PVT1: variants seen among roughly 807,000 people sequenced by gnomAD.
PVT1 encodes the protein CXCR4/PVT1 fusion.
intron 2 of PVT1, among the ~76,000 whole-genome samples, chr8:127,861,541 A>G (rs1286154477): frequency 6.8e-6 from 1 of 146,542 alleles, no homozygotes; most frequent in African/African-American, 2.5e-5. Context: ...TTGCTTTCAG[A>G]TGGTTTTGTT....
chr8:127,916,384 G>A (rs1180822482), intron 3 of PVT1, among the ~76,000 whole-genome samples: 3 of 152,170 alleles, frequency 2.0e-5, no homozygotes, highest in Non-Finnish European at 4.4e-5. Context: ...GCATGTGGTT[G>A]GTGCTCAATA....
chr8:127,808,197 C>A (rs567039792), intron 2 of PVT1, among the ~76,000 whole-genome samples: 17 of 152,192 alleles, frequency 1.1e-4, no homozygotes, highest in Non-Finnish European at 1.0e-4. Context: ...TCAGGCACAA[C>A]CCCCGTCTGG....
chr8:127,911,830 G>A (rs900019172), intron 3 of PVT1, among the ~76,000 whole-genome samples: 2 of 152,238 alleles, frequency 1.3e-5, no homozygotes, highest in Non-Finnish European at 2.9e-5. Context: ...TGACCTCCCT[G>A]CTCCCTTTGG....
At chr8:127,879,281 C>A (rs774683101) in intron 2 of PVT1, among the ~76,000 whole-genome samples, 16 of 152,352 alleles carry the variant, frequency 1.1e-4, no homozygotes, top group Non-Finnish European at 1.8e-4. Context: ...GTAATCCCAG[C>A]ACTTCGGGAG....
chr8:127,840,187 G>A (rs190138760), intron 2 of PVT1, among the ~76,000 whole-genome samples: 12 of 152,336 alleles, frequency 7.9e-5, no homozygotes, highest in Middle Eastern at 3.4e-3. Context: ...AGCCAGTGGA[G>A]GGTTTGAGCA....
intron 2 of PVT1, among the ~76,000 whole-genome samples, chr8:127,874,210 T>G (rs914080144): frequency 2.0e-5 from 3 of 152,148 alleles, no homozygotes; most frequent in Non-Finnish European, 4.4e-5. Context: ...AGGATTTAAA[T>G]TTGATAATGT....
intron 3 of PVT1, among the ~76,000 whole-genome samples, chr8:127,950,411 G>C (rs953754722): frequency 1.6e-4 from 25 of 152,228 alleles, no homozygotes; most frequent in African/African-American, 5.1e-4. Context: ...CATGTGGGGA[G>C]ATGCGGCCAG....
Position 127,985,284 on chromosome 8 carries a change from G to A in PVT1, n.783-3878G>A, listed in dbSNP as rs772790139. 5.3e-5 allele frequency among the ~76,000 whole-genome samples: 8 copies of A among 151,450 alleles called. No individual in the cohort carries two copies. The East Asian group carries it at 5.8e-4, about 11-fold the overall frequency. On this transcript the variant is annotated intron_variant and non_coding_transcript_variant, in intron 3 of 10. Coordinates refer to ENST00000651587, the Ensembl canonical transcript of PVT1. ...CCTGACCTCATGATCCTCCCCTCTC[G>A]GCCTCCCAAAGTGTTGGGATTACAG...
At chr8:127,843,253 G>A (rs749282768) in intron 2 of PVT1, among the ~76,000 whole-genome samples, 2 of 151,224 alleles carry the variant, frequency 1.3e-5, no homozygotes, top group African/African-American at 2.5e-5. Flanking sequence ...CTACTCAGGA[G>A]GGAACTGCTT....
intron 2 of PVT1, among the ~76,000 whole-genome samples, chr8:127,800,420 A>G (rs943260467): frequency 2.0e-5 from 3 of 152,220 alleles, no homozygotes; most frequent in African/African-American, 7.2e-5. Flanking sequence ...GCTGGGGGAC[A>G]GATGGAGGCA....
intron 3 of PVT1, among the ~76,000 whole-genome samples, chr8:127,925,271 C>T (rs752590765): frequency 3.3e-5 from 5 of 152,264 alleles, no homozygotes; most frequent in Middle Eastern, 3.4e-3. Flanking sequence ...AAAATCTACT[C>T]ATCTGTTGAT....
At chr8:128,074,045 T>G (rs755991860) in intron 5 of PVT1, among the ~76,000 whole-genome samples, 3 of 152,160 alleles carry the variant, frequency 2.0e-5, no homozygotes, top group Non-Finnish European at 4.4e-5. Context: ...ATCTCTGAGA[T>G]CTTAACTTGG....
At position 127,919,732 on chromosome 8, in the gene PVT1, A is replaced by G. The variant is rs80106186; in HGVS notation, n.782+28734A>G. Among the ~76,000 whole-genome samples the G allele has an allele frequency of 5.8e-3, 885 of 152,226 alleles. 17 individuals carry two copies. The highest frequency in any genetic ancestry group is 0.02 in the African/African-American group (841 of 41,534). ...CTGGCCTCACTCACTGTGGCCCACC[A>G]TCCAGCAGTGCAGGTGTCCTGGGGA... On this transcript the variant is annotated intron_variant and non_coding_transcript_variant, in intron 3 of 10. Coordinates refer to ENST00000651587, the Ensembl canonical transcript of PVT1.
At chr8:127,807,393 G>T (rs1030724383) in intron 2 of PVT1, among the ~76,000 whole-genome samples, 3 of 152,194 alleles carry the variant, frequency 2.0e-5, no homozygotes, top group Non-Finnish European at 2.9e-5. Context: ...AGTGTGAGTG[G>T]TGTGATCGTG....
At chr8:128,018,008 C>T (rs1021412735) in intron 4 of PVT1, among the ~76,000 whole-genome samples, 13 of 152,180 alleles carry the variant, frequency 8.5e-5, no homozygotes, top group African/African-American at 1.2e-4. Context: ...GAACATTTTC[C>T]GAATCCTGTT....
At chr8:127,989,954 A>C (rs963359719) in intron 4 of PVT1, among the ~76,000 whole-genome samples, 1 of 152,198 alleles carries the variant, frequency 6.6e-6, no homozygotes, top group African/African-American at 2.4e-5. Context: ...GTTGAGTGAG[A>C]TATTGGAGCA....
intron 4 of PVT1, among the ~76,000 whole-genome samples, chr8:128,056,130 C>G (rs1047568803): frequency 3.9e-5 from 6 of 152,156 alleles, no homozygotes; most frequent in African/African-American, 1.2e-4. Context: ...GCCAGTCTGC[C>G]CTTTTCAAAT....
chr8:127,875,057 C>T (rs985235077), intron 2 of PVT1, among the ~76,000 whole-genome samples: 8 of 152,090 alleles, frequency 5.3e-5, no homozygotes, highest in Non-Finnish European at 8.8e-5. Context: ...GGAACGTCCT[C>T]CACTATAATG....
At position 127,900,996 on chromosome 8, in the gene PVT1, T is replaced by C. The variant is rs575546081; in HGVS notation, n.782+9998T>C. ...TGCCAGGGCAGGTCCAGAGTCTGGGTGTGGAAGGAGCAACATAATGGGGGC... is the reference window on the plus strand; with the variant it reads ...TGCCAGGGCAGGTCCAGAGTCTGGGCGTGGAAGGAGCAACATAATGGGGGC... On this transcript the variant is annotated intron_variant and non_coding_transcript_variant, in intron 3 of 10. Transcript: ENST00000651587. Among the ~76,000 whole-genome samples, 3 of 152,190 alleles carry C rather than the reference T, an allele frequency of 2.0e-5. No individual in the cohort carries two copies. The East Asian group carries it at 5.8e-4, about 29-fold the overall frequency.
Sources: allele counts gnomAD v4.1 joint callset (sites outside exome capture counted in the v4.1 genomes callset), GRCh38; gene constraint gnomAD v4.1.1; transcripts MANE v1.5; gene names NCBI Gene and HGNC (gene_info 2026-07-23, HGNC 2026-07-21).